GRID2: variants seen among roughly 807,000 people sequenced by gnomAD.
The protein encoded by GRID2 is glutamate ionotropic receptor delta type subunit 2.
GRID2 carries 33 observed loss-of-function variants against 114.8 expected under a neutral mutation model. That is an observed-to-expected ratio of 0.29 (90% CI 0.22 to 0.38). GRID2 has a LOEUF of 0.38. Among genes scored for constraint, GRID2 ranks in the 10% least tolerant of loss-of-function variants. The pLI, the probability that GRID2 is intolerant of heterozygous loss-of-function variation, is 1.00. For missense variants in GRID2, 1,184 were observed against 1,257.7 expected, an observed-to-expected ratio of 0.94 and a Z score of 0.89; for synonymous variants, 505 against 449.9, an observed-to-expected ratio of 1.12 and a Z score of -1.55.
intron 2 of GRID2, among the ~76,000 whole-genome samples, chr4:92,710,935 T>C (rs1026193756): frequency 6.6e-6 from 1 of 151,854 alleles, no homozygotes; most frequent in Non-Finnish European, 1.5e-5. Flanking sequence ...GTTTTTTTTT[T>C]AATTATTAAT....
chr4:93,523,966 A>G (rs1003057016), intron 13 of GRID2, among the ~76,000 whole-genome samples: 1 of 151,938 alleles, frequency 6.6e-6, no homozygotes. Flanking sequence ...TGCTTGTTCC[A>G]TTCCCCTTCC....
At chr4:93,762,960 C>T (rs66548721) in intron 14 of GRID2, among the ~76,000 whole-genome samples, 51,973 of 151,924 alleles carry the variant, frequency 0.34, 9,280 homozygotes, top group Middle Eastern at 0.46. Context: ...ATGTAGAGCA[C>T]CCCAACAAAC....
chr4:92,679,707 C>G (rs980094058), intron 2 of GRID2, among the ~76,000 whole-genome samples: 1 of 151,722 alleles, frequency 6.6e-6, no homozygotes, highest in Non-Finnish European at 1.5e-5. Context: ...CTGTTAATTG[C>G]GTCTGAATAG....
intron 6 of GRID2, among the ~76,000 whole-genome samples, chr4:93,218,721 T>A (rs1386794452): frequency 1.3e-5 from 2 of 152,138 alleles, no homozygotes; most frequent in Non-Finnish European, 2.9e-5. Context: ...CTTATCTATA[T>A]GTGTATTAGT....
intron 2 of GRID2, chr4:92,822,244 C>A (rs1741338075): frequency 1.8e-6 from 1 of 548,934 alleles, no homozygotes; most frequent in South Asian, 1.4e-5. Context: ...CATAGCATAT[C>A]AAGGTGCTTG....
In GRID2 at chr4:93,216,872, A is replaced by T; in HGVS notation, c.924A>T (p.Thr308=). The T allele has an allele frequency of 6.2e-7, 1 of 1,613,132 alleles. No individual in the cohort carries two copies. The highest frequency in any genetic ancestry group is 8.5e-7 in the Non-Finnish European group (1 of 1,179,174). The part of the protein sequence containing the change: ...CFRGNHRISS[T]LCDPKDPFAQ... ...GTGGCAACCATCGAATATCTTCAACATTGTGTGATCCAAAGGATCCATTTG... is the reference window on the plus strand; with the variant it reads ...GTGGCAACCATCGAATATCTTCAACTTTGTGTGATCCAAAGGATCCATTTG... The change falls in exon 6 of 16, where the codon ACA becomes ACT. Residue 308 remains threonine (T), a synonymous_variant. Coordinates refer to ENST00000282020, the MANE Select transcript of GRID2 (RefSeq NM_001510.4).
intron 2 of GRID2, among the ~76,000 whole-genome samples, chr4:92,614,042 G>A (rs572484060): frequency 1.3e-5 from 2 of 151,426 alleles, no homozygotes; most frequent in East Asian, 3.9e-4. Context: ...GTTTGTTGGT[G>A]CATTCCATAT....
chr4:93,552,148 T>G (rs1026572862), intron 13 of GRID2, among the ~76,000 whole-genome samples: 5 of 151,682 alleles, frequency 3.3e-5, no homozygotes, highest in Admixed American at 1.3e-4. Flanking sequence ...TTTGTCCTTG[T>G]GATAGTTTGC....
At chr4:93,553,466 C>A (rs1733987081) in intron 13 of GRID2, among the ~76,000 whole-genome samples, 2 of 152,160 alleles carry the variant, frequency 1.3e-5, no homozygotes, top group Admixed American at 1.3e-4. Flanking sequence ...TATAGTTCAT[C>A]TTGCTCAATT....
intron 1 of GRID2, among the ~76,000 whole-genome samples, chr4:92,559,184 TA>T (rs1727002011): frequency 6.6e-6 from 1 of 152,214 alleles, no homozygotes; most frequent in Non-Finnish European, 1.5e-5. Flanking sequence ...CTTTCATAGT[TA>T]TGTAACATTT....
intron 14 of GRID2, among the ~76,000 whole-genome samples, chr4:93,629,209 A>G (rs1020848329): frequency 6.6e-6 from 1 of 152,236 alleles, no homozygotes; most frequent in Non-Finnish European, 1.5e-5. Flanking sequence ...CAGAAAATGT[A>G]CTCTAGTGAA....
At chr4:92,742,518 A>T (rs1026127567) in intron 2 of GRID2, among the ~76,000 whole-genome samples, 5 of 152,006 alleles carry the variant, frequency 3.3e-5, no homozygotes, top group African/African-American at 1.2e-4. Context: ...AATCTTTCAG[A>T]GGTTTCTTGG....
chr4:93,090,280 A>C (rs1018284844), intron 3 of GRID2, among the ~76,000 whole-genome samples: 1 of 152,298 alleles, frequency 6.6e-6, no homozygotes, highest in Non-Finnish European at 1.5e-5. Context: ...AGCTGAACAA[A>C]TACTATGAAC....
chr4:92,810,256 T>C (rs1458478907), intron 2 of GRID2, among the ~76,000 whole-genome samples: 1 of 151,960 alleles, frequency 6.6e-6, no homozygotes, highest in Non-Finnish European at 1.5e-5. Context: ...TTTTTTTTTT[T>C]GCAAATTTCA....
At chr4:93,484,577 T>G (rs1726198979) in intron 11 of GRID2, among the ~76,000 whole-genome samples, 1 of 151,850 alleles carries the variant, frequency 6.6e-6, no homozygotes, top group Non-Finnish European at 1.5e-5. Flanking sequence ...GCCACAAGAT[T>G]AGATAATATT....
intron 10 of GRID2, among the ~76,000 whole-genome samples, chr4:93,442,469 CT>C (rs1282231613): frequency 6.6e-6 from 1 of 151,986 alleles, no homozygotes; most frequent in African/African-American, 2.4e-5. Flanking sequence ...TAACTGGTAA[CT>C]TTTTCCCCCA....
chr4:92,593,469 T>C (rs1728802985), intron 2 of GRID2, among the ~76,000 whole-genome samples: 1 of 151,990 alleles, frequency 6.6e-6, no homozygotes, highest in Admixed American at 6.6e-5. Flanking sequence ...TATTGGTGTT[T>C]TGGAAATCTT....
At chr4:93,158,632 C>G (rs1041739000) in intron 4 of GRID2, among the ~76,000 whole-genome samples, 2 of 151,786 alleles carry the variant, frequency 1.3e-5, no homozygotes, top group African/African-American at 4.8e-5. Flanking sequence ...ACCACACACA[C>G]ACACAAATAC....
chr4:92,945,695 T>G (rs1200436830), intron 2 of GRID2, among the ~76,000 whole-genome samples: 1 of 152,104 alleles, frequency 6.6e-6, no homozygotes, highest in Non-Finnish European at 1.5e-5. Context: ...AAAAATAACT[T>G]TTGTTTTGTT....
Sources: allele counts gnomAD v4.1 joint callset (sites outside exome capture counted in the v4.1 genomes callset), GRCh38; gene constraint gnomAD v4.1.1; transcripts MANE v1.5; gene names NCBI Gene and HGNC (gene_info 2026-07-23, HGNC 2026-07-21).